TRAP1: variants seen among roughly 807,000 people sequenced by gnomAD.
The protein encoded by TRAP1 is TNF receptor associated protein 1.
TRAP1 carries 102 observed loss-of-function variants against 89.1 expected under a neutral mutation model. The observed-to-expected ratio is 1.15, with a 90% CI of 0.98 to 1.35. The LOEUF (loss-of-function observed/expected upper bound fraction) is 1.35, where lower values mean the gene tolerates loss of function less well. TRAP1 is among the 40% of genes most tolerant of loss of function. TRAP1 has a pLI of 0.00. For synonymous variants in TRAP1, 508 were observed against 388.0 expected, an observed-to-expected ratio of 1.31 and a Z score of -3.64; for missense variants, 1,256 against 945.3, an observed-to-expected ratio of 1.33 and a Z score of -4.31.
chr16:3,713,630 G>C (rs2051560492), intron 1 of TRAP1, among the ~76,000 whole-genome samples: 1 of 152,224 alleles, frequency 6.6e-6, no homozygotes, highest in African/African-American at 2.4e-5. Flanking sequence ...CCAGGAGACT[G>C]GACTCGGCAC....
chr16:3,658,337 C>T lies in TRAP1; in HGVS notation c.2014-107G>A, dbSNP rs972278679. The T allele has an allele frequency of 5.4e-5, 48 of 888,932 alleles. No individual in the cohort carries two copies. In the Middle Eastern group the frequency reaches 1.1e-3, roughly 21 times the overall value. The allele number at this position is 888,932 out of a possible 1,614,324, so 55.1% of individuals were successfully genotyped here. ...TTGCCGAGGCTGGAGTGCAGAGGCA[C>T]GATCTCGGCTCACTGCAACCTCAGG... On this transcript the variant is annotated intron_variant, in intron 17 of 17. Transcript: ENST00000246957.
chr16:3,693,046 G>A (rs914532232), intron 1 of TRAP1, among the ~76,000 whole-genome samples: 7 of 151,796 alleles, frequency 4.6e-5, no homozygotes, highest in African/African-American at 1.5e-4. Flanking sequence ...TCCATCTTCT[G>A]GGTTCAAGCG....
chr16:3,714,809 C>T (rs896602906), intron 1 of TRAP1, among the ~76,000 whole-genome samples: 3 of 152,134 alleles, frequency 2.0e-5, no homozygotes, highest in Admixed American at 2.0e-4. Flanking sequence ...AAGACACGCA[C>T]ACCTGAAGCC....
intron 7 of TRAP1, 102 bp downstream of exon 7, chr16:3,675,934 C>A (rs1254521655): frequency 2.7e-5 from 28 of 1,043,164 alleles, no homozygotes; most frequent in Non-Finnish European, 3.6e-5. Flanking sequence ...TCTGCCTGTG[C>A]ACCCTACGTG....
At position 3,670,025 on chromosome 16, in the gene TRAP1, G is replaced by A. The variant is rs546810742; in HGVS notation, c.1235+1697C>T. ...GTGCTTCCAAAAAACAACATGGGAA[G>A]TGGTGCAAATAAACTAGGTAGAAAA... On this transcript the variant is annotated intron_variant, in intron 11 of 17. Coordinates refer to ENST00000246957, the MANE Select transcript of TRAP1 (RefSeq NM_016292.3). Among the ~76,000 whole-genome samples the A allele has an allele frequency of 5.9e-5, 9 of 152,070 alleles. No homozygotes were observed. In the East Asian group the frequency reaches 1.7e-3, roughly 29 times the overall value.
intron 17 of TRAP1, 104 bp downstream of exon 17, chr16:3,658,689 A>C: frequency 1.7e-6 from 2 of 1,170,888 alleles, no homozygotes; most frequent in African/African-American, 3.1e-5. Flanking sequence ...AAACAAACAA[A>C]CAAAAAGACA....
rs995740529 is a variant in TRAP1, at chr16:3,691,049, C to T, written c.89-64G>A. 9.3e-6 allele frequency: 13 copies of T among 1,394,858 alleles called. No individual in the cohort carries two copies. The East Asian group carries it at 1.3e-4, about 14-fold the overall frequency. The allele number at this position is 1,394,858 out of a possible 1,614,324, so 86.4% of individuals were successfully genotyped here. On this transcript the variant is annotated intron_variant, in intron 1 of 17. Coordinates refer to ENST00000246957, the MANE Select transcript of TRAP1 (RefSeq NM_016292.3). ...AGACACGAGAAACAATATGGTAATT[C>T]GTCCCATCAAGGGTGTCTAGCAGAA...
intron 10 of TRAP1, 94 bp from the exon 11 acceptor site, chr16:3,671,885 C>G (rs751335622): frequency 2.1e-4 from 285 of 1,347,576 alleles, no homozygotes; most frequent in Non-Finnish European, 2.8e-4. Flanking sequence ...CAGGCCTGGC[C>G]TTCAACCCAG....
intron 17 of TRAP1, 138 bp downstream of exon 17, chr16:3,658,655 G>A: frequency 2.4e-6 from 2 of 847,628 alleles, no homozygotes; most frequent in East Asian, 2.7e-5. Flanking sequence ...CCTGGCAACA[G>A]AGCAACACTC....
chr16:3,694,094 C>T (rs1447333910), intron 1 of TRAP1, among the ~76,000 whole-genome samples: 2 of 151,790 alleles, frequency 1.3e-5, no homozygotes, highest in Non-Finnish European at 2.9e-5. Flanking sequence ...TCCCCAGCTT[C>T]TGGCAGTAGC....
chr16:3,698,581 C>T (rs563386051), intron 1 of TRAP1, among the ~76,000 whole-genome samples: 1 of 151,560 alleles, frequency 6.6e-6, no homozygotes, highest in East Asian at 2.0e-4. Flanking sequence ...GGATTACAGG[C>T]GTGAGCCACC....
intron 13 of TRAP1, 133 bp downstream of exon 13, chr16:3,664,141 G>A (rs2050765828): frequency 2.1e-6 from 2 of 945,012 alleles, no homozygotes; most frequent in Non-Finnish European, 3.0e-6. Flanking sequence ...TCCGGCCTCT[G>A]TGCCCGTGAC....
At chr16:3,693,568 G>T (rs2051245628) in intron 1 of TRAP1, among the ~76,000 whole-genome samples, 1 of 152,174 alleles carries the variant, frequency 6.6e-6, no homozygotes, top group African/African-American at 2.4e-5. Context: ...TGCCCACAGA[G>T]CATATCAGTG....
intron 1 of TRAP1, among the ~76,000 whole-genome samples, chr16:3,708,506 G>C (rs532439335): frequency 1.3e-5 from 2 of 151,996 alleles, no homozygotes; most frequent in East Asian, 3.9e-4. Flanking sequence ...GCGTGGTGAC[G>C]GGTGCCTGTA....
intron 11 of TRAP1, among the ~76,000 whole-genome samples, chr16:3,668,369 A>G (rs1319225669): frequency 6.6e-6 from 1 of 152,170 alleles, no homozygotes; most frequent in Non-Finnish European, 1.5e-5. Flanking sequence ...CAACACATAA[A>G]TATTTTAAGT....
chr16:3,672,228 C>T (rs895654591), intron 10 of TRAP1, among the ~76,000 whole-genome samples: 9 of 151,956 alleles, frequency 5.9e-5, no homozygotes, highest in Non-Finnish European at 1.0e-4. Context: ...CCCAGCTACT[C>T]GGGAGGCTAA....
chr16:3,708,188 A>T (rs971731411), intron 1 of TRAP1, among the ~76,000 whole-genome samples: 16 of 151,642 alleles, frequency 1.1e-4, no homozygotes, highest in Admixed American at 1.1e-3. Flanking sequence ...ACAAAGCAAG[A>T]CCCTGCCTCT....
At position 3,677,514 on chromosome 16, in the gene TRAP1, G is replaced by T. The variant is rs867558133; in HGVS notation, c.688C>A (p.Gln230Lys). 12 of 1,614,074 alleles carry T rather than the reference G, an allele frequency of 7.4e-6. No individual in the cohort carries two copies. Among genetic ancestry groups the T allele is most frequent in the South Asian group, 1.1e-5 (1 of 91,088 alleles). The change falls in exon 6 of 18, where the codon CAG (glutamine) becomes AAG (lysine). Residue 230 changes from glutamine to lysine, a missense_variant. Transcript: ENST00000246957. ...GTCACTCACCCATCTGAAAGCCACT[G>T]GTAACCCAGGCTCCCCGGGGCTGCC... ...RSAAPGSLGYQWLSDGSGVFE... is the reference protein window; with the variant it reads ...RSAAPGSLGYKWLSDGSGVFE...
At position 3,686,035 on chromosome 16, in the gene TRAP1, G is replaced by C. The variant is rs748007920; in HGVS notation, c.432C>G (p.His144Gln). The C allele has an allele frequency of 3.1e-6, 5 of 1,614,140 alleles. No individual in the cohort carries two copies. The East Asian group carries it at 1.1e-4, about 36-fold the overall frequency. ...DGQALPEMEI[H>Q]LQTNAEKGTI... ...TGCCTTTCTCGGCATTGGTCTGCAA[G>C]TGAATCTCCATTTCTGGCAGTGCTT... is the stretch of plus-strand genomic sequence containing the variant. Residue 144 changes from histidine (H) to glutamine (Q), a missense_variant, in exon 4 of 18, where the codon CAC (histidine) becomes CAG (glutamine). Transcript: ENST00000246957.
Sources: gnomAD v4.1 joint callset for allele counts (sites outside exome capture counted in the v4.1 genomes callset) on GRCh38, gnomAD v4.1.1 for gene constraint, MANE v1.5 for transcripts, NCBI Gene and HGNC (gene_info 2026-07-23, HGNC 2026-07-21) for gene names.